Variants in KCNAB1 observed in about 807,000 individuals in gnomAD.
KCNAB1 encodes potassium voltage-gated channel subfamily A regulatory beta subunit 1.
Under a neutral mutation model 64.6 loss-of-function variants are expected in KCNAB1, and 35 were observed. The ratio of observed to expected loss-of-function variants is 0.54; its 90% CI spans 0.41 to 0.72. KCNAB1 has a LOEUF of 0.72. KCNAB1 is among the 30% of genes least tolerant of loss of function. The probability of loss-of-function intolerance (pLI) is 0.00; values close to 1 mark genes in which losing one functional copy is unlikely to be tolerated. For synonymous variants in KCNAB1, 177 were observed against 183.8 expected (o/e 0.96, Z 0.30); for missense variants, 401 against 512.9 (o/e 0.78, Z 2.11).
intron 7 of KCNAB1, among the ~76,000 whole-genome samples, chr3:156,473,738 T>G (rs568601474): frequency 6.6e-6 from 1 of 152,190 alleles, no homozygotes; most frequent in African/African-American, 2.4e-5. Context: ...CAAATTTAAA[T>G]TTATAAGAGC....
In KCNAB1 at chr3:156,422,087, T is replaced by A. The variant is rs1211525822; in HGVS notation, c.319+428T>A. 2.0e-5 allele frequency among the ~76,000 whole-genome samples: 3 copies of A among 152,224 alleles called. No individual in the cohort carries two copies. In the East Asian group the frequency reaches 5.8e-4, roughly 29 times the overall value. On this transcript the variant is annotated intron_variant, in intron 2 of 13. Coordinates refer to ENST00000490337, the MANE Select transcript of KCNAB1 (RefSeq NM_172160.3). Reference sequence around the variant, plus strand: ...TATTATTATGCATTTTATATACTTTTATAATCTGCCTTAAATATTTGGGGG... The same window carrying A: ...TATTATTATGCATTTTATATACTTTAATAATCTGCCTTAAATATTTGGGGG...
At chr3:156,475,700 G>A (rs1483905396) in intron 8 of KCNAB1, among the ~76,000 whole-genome samples, 1 of 152,192 alleles carries the variant, frequency 6.6e-6, no homozygotes, top group Non-Finnish European at 1.5e-5. Context: ...TGTCCTTGAT[G>A]ATTCAAAAGG....
intron 1 of KCNAB1, among the ~76,000 whole-genome samples, chr3:156,247,279 G>T (rs1021565267): frequency 6.6e-6 from 1 of 152,190 alleles, no homozygotes; most frequent in Non-Finnish European, 1.5e-5. Flanking sequence ...AAAGCCTTAT[G>T]AAGACTAGGA....
chr3:156,264,150 A>G (rs1718571649), intron 1 of KCNAB1, among the ~76,000 whole-genome samples: 1 of 152,130 alleles, frequency 6.6e-6, no homozygotes, highest in African/African-American at 2.4e-5. Context: ...TTCTATTTTT[A>G]TAAAATGTCC....
intron 1 of KCNAB1, among the ~76,000 whole-genome samples, chr3:156,125,639 A>G (rs1372787995): frequency 6.6e-6 from 1 of 152,224 alleles, no homozygotes; most frequent in African/African-American, 2.4e-5. Context: ...CTTATTATCT[A>G]GGACAGTAGT....
intron 1 of KCNAB1, among the ~76,000 whole-genome samples, chr3:156,341,968 A>T (rs1274021530): frequency 6.6e-6 from 1 of 152,082 alleles, no homozygotes; most frequent in East Asian, 1.9e-4. Context: ...CAGTACCAGG[A>T]TATGTCTGGA....
chr3:156,221,828 T>C (rs897012813), intron 1 of KCNAB1, among the ~76,000 whole-genome samples: 4 of 144,266 alleles, frequency 2.8e-5, no homozygotes, highest in Admixed American at 1.4e-4. Context: ...GCTTCATAAA[T>C]GAAGGAAAGA....
rs955079565 is a variant in KCNAB1, at chr3:156,538,191, A to G, written c.*1444A>G. The G allele has an allele frequency of 1.4e-4, 21 of 150,596 alleles. No individual in the cohort carries two copies. Among genetic ancestry groups the G allele is most frequent in the African/African-American group, 4.7e-4 (19 of 40,796 alleles). The allele number at this position is 150,596 out of a possible 1,614,324, so 9.3% of individuals were successfully genotyped here. A position where few individuals can be genotyped will look rare whatever the true frequency, so the allele number is the denominator to read the frequency against. On this transcript the variant is annotated 3_prime_UTR_variant, in exon 14 of 14. Coordinates refer to ENST00000490337, the MANE Select transcript of KCNAB1 (RefSeq NM_172160.3). ...GGTGTGGGAGTGGCCCTTTAACTCT[A>G]TTTGGCTATCTGAGGATGTACAAAA...
chr3:156,303,055 G>A (rs1412372617), intron 1 of KCNAB1, among the ~76,000 whole-genome samples: 1 of 152,138 alleles, frequency 6.6e-6, no homozygotes, highest in Non-Finnish European at 1.5e-5. Flanking sequence ...TAGCAGTGTT[G>A]TGGAGGAGAA....
chr3:156,189,090 A>G (rs1713391952), intron 1 of KCNAB1, among the ~76,000 whole-genome samples: 1 of 152,154 alleles, frequency 6.6e-6, no homozygotes, highest in South Asian at 2.1e-4. Context: ...TGCTGGTGAC[A>G]CTTTGTCCAT....
chr3:156,384,703 T>A (rs563719280), intron 1 of KCNAB1, among the ~76,000 whole-genome samples: 1 of 152,296 alleles, frequency 6.6e-6, no homozygotes, highest in East Asian at 1.9e-4. Context: ...GCTTCTTGTT[T>A]CATATATTCA....
chr3:156,531,446 C>T lies in KCNAB1; in HGVS notation c.1119C>T (p.Leu373=). The T allele has an allele frequency of 1.2e-6, 2 of 1,614,104 alleles. No individual in the cohort carries two copies. Among genetic ancestry groups the T allele is most frequent in the East Asian group, 4.5e-5 (2 of 44,884 alleles). The change falls in exon 13 of 14, where the codon CTC becomes CTT. Residue 373 remains leucine, a synonymous_variant. Coordinates refer to ENST00000490337, the MANE Select transcript of KCNAB1 (RefSeq NM_172160.3). The stretch of plus-strand genomic sequence containing the variant: ...GAAATGAAGGTGTGAGTTCTGTGCT[C>T]CTGGGATCATCCACTCCTGAACAAC... The part of the protein sequence containing the change: ...CLRNEGVSSV[L]LGSSTPEQLI...
chr3:156,528,174 C>CAAAAAA lies in KCNAB1; in HGVS notation c.1082-3226_1082-3221dup, dbSNP rs3085733. 1.1e-3 allele frequency among the ~76,000 whole-genome samples: 156 copies of CAAAAAA among 140,692 alleles called. 1 individual carries two copies. Among genetic ancestry groups the CAAAAAA allele is most frequent in the South Asian group, 1.6e-3 (7 of 4,316 alleles). The allele number at this position is 140,692 out of a possible 152,430, so 92.3% of individuals were successfully genotyped here. ...AGTGCAAAGCAGCAAATAATGCAGTCAAAAAAAAAAAAAAGAGAGAGAAAG... is the reference window on the plus strand; with the variant it reads ...AGTGCAAAGCAGCAAATAATGCAGTCAAAAAAAAAAAAAAAAAAAAGAGAGAGAAAG... On this transcript the variant is annotated intron_variant, in intron 12 of 13. Transcript: ENST00000490337.
chr3:156,211,232 A>AGG (rs1714984627), intron 1 of KCNAB1, among the ~76,000 whole-genome samples: 1 of 152,210 alleles, frequency 6.6e-6, no homozygotes, highest in Non-Finnish European at 1.5e-5. Context: ...TATATATCAA[A>AGG]GGGGGAGAAC....
chr3:156,222,085 A>G (rs976965874), intron 1 of KCNAB1, among the ~76,000 whole-genome samples: 2 of 152,196 alleles, frequency 1.3e-5, no homozygotes, highest in African/African-American at 2.4e-5. Flanking sequence ...TTCAATATCA[A>G]CATTGAATGT....
At chr3:156,410,188 A>ATTTT (rs1269844323) in intron 1 of KCNAB1, among the ~76,000 whole-genome samples, 3 of 152,208 alleles carry the variant, frequency 2.0e-5, no homozygotes, top group Non-Finnish European at 4.4e-5. Flanking sequence ...CTACTGTTCA[A>ATTTT]GGCTTCCTTA....
intron 13 of KCNAB1, among the ~76,000 whole-genome samples, chr3:156,533,844 G>A (rs1267754700): frequency 6.6e-6 from 1 of 152,134 alleles, no homozygotes; most frequent in Non-Finnish European, 1.5e-5. Context: ...TAGTGCCTAG[G>A]GATGGCATAT....
chr3:156,148,336 A>G (rs1715179189), intron 1 of KCNAB1, among the ~76,000 whole-genome samples: 1 of 152,356 alleles, frequency 6.6e-6, no homozygotes, highest in South Asian at 2.1e-4. Context: ...GATGAGGACT[A>G]AAACTTATAT....
intron 3 of KCNAB1, chr3:156,456,793 A>T (rs1712464523): frequency 6.6e-6 from 1 of 152,334 alleles, no homozygotes; most frequent in African/African-American, 2.4e-5. Context: ...GCTATTCTGT[A>T]CTCTTCTGTC....
Sources: gnomAD v4.1 joint callset for allele counts (sites outside exome capture counted in the v4.1 genomes callset) on GRCh38, gnomAD v4.1.1 for gene constraint, MANE v1.5 for transcripts, NCBI Gene and HGNC (gene_info 2026-07-23, HGNC 2026-07-21) for gene names.